DST: variants seen among roughly 807,000 people sequenced by gnomAD.
DST encodes the protein bullous pemphigoid antigen.
In DST, 253 loss-of-function variants were observed where a neutral mutation model predicts 875.2. That is an observed-to-expected ratio of 0.29 (90% CI 0.26 to 0.32). DST has a LOEUF of 0.32. Among genes scored for constraint, DST ranks in the 10% least tolerant of loss-of-function variants. DST has a pLI of 1.00. For missense variants in DST, 8,287 were observed against 9,111.6 expected, an observed-to-expected ratio of 0.91 and a Z score of 3.68; for synonymous variants, 3,124 against 3,197.1, an observed-to-expected ratio of 0.98 and a Z score of 0.77.
chr6:56,797,453 G>A (rs1359698228), intron 4 of DST, among the ~76,000 whole-genome samples: 1 of 152,202 alleles, frequency 6.6e-6, no homozygotes, highest in Non-Finnish European at 1.5e-5. Context: ...CATGTTGAAA[G>A]CCAAAACGGG....
At chr6:56,763,310 C>A (rs375782068) in intron 4 of DST, among the ~76,000 whole-genome samples, 2 of 152,140 alleles carry the variant, frequency 1.3e-5, no homozygotes, top group Admixed American at 6.5e-5. Flanking sequence ...TAAGTCAAAG[C>A]GCTGCTTCTT....
At chr6:56,494,798 T>C (rs1193892255) in intron 82 of DST, among the ~76,000 whole-genome samples, 1 of 152,094 alleles carries the variant, frequency 6.6e-6, no homozygotes, top group Non-Finnish European at 1.5e-5. Flanking sequence ...CATAAAATAT[T>C]GCTTAAACAA....
In DST at chr6:56,546,355, TATATATATATA is replaced by T. The variant is rs1426524753; in HGVS notation, c.16608+5818_16608+5828del. On this transcript the variant is annotated intron_variant, in intron 61 of 103. Transcript: ENST00000680361. ...GAAATATATACATATTTCATATATA[TATATATATATA>T]TATATATATATATATATATATATAA... Among the ~76,000 whole-genome samples, 50 of 51,572 alleles carry T rather than the reference TATATATATATA, an allele frequency of 9.7e-4. 2 individuals carry two copies. The highest frequency in any genetic ancestry group is 1.4e-3 in the Non-Finnish European group (35 of 25,332). 33.8% of individuals were successfully genotyped at this position (51,572 alleles called of 152,430 possible). A position where few individuals can be genotyped will look rare whatever the true frequency, so the allele number is the denominator to read the frequency against.
At chr6:56,739,251 T>A (rs1430464786) in intron 4 of DST, among the ~76,000 whole-genome samples, 1 of 151,860 alleles carries the variant, frequency 6.6e-6, no homozygotes, top group Admixed American at 6.6e-5. Context: ...TATACAGTAG[T>A]ATATACAACT....
At chr6:56,860,657 A>C (rs1205949821) in intron 3 of DST, among the ~76,000 whole-genome samples, 1 of 152,224 alleles carries the variant, frequency 6.6e-6, no homozygotes, top group African/African-American at 2.4e-5. Context: ...GGTAGGAAGC[A>C]TTAGTAAATT....
At chr6:56,562,524 T>C (rs947380731) in intron 55 of DST, among the ~76,000 whole-genome samples, 3 of 151,922 alleles carry the variant, frequency 2.0e-5, no homozygotes, top group Non-Finnish European at 4.4e-5. Context: ...GGAAGAATCA[T>C]ATTTATTAAA....
intron 23 of DST, among the ~76,000 whole-genome samples, 173 bp downstream of exon 23, chr6:56,636,384 A>G (rs2098826124): frequency 6.6e-6 from 1 of 150,450 alleles, no homozygotes; most frequent in South Asian, 2.1e-4. Flanking sequence ...ACACACATAT[A>G]TGTGTATACG....
rs565947496 is a variant in DST at position 56,608,077 on chromosome 6, T to C, written c.6551A>G (p.Asp2184Gly). ...HDYRQEEDVF[D>G]GEEPVTTQTS... is the part of the protein sequence containing the mutation. The stretch of plus-strand genomic sequence containing the variant: ...CTGAGTAGTGACAGGTTCTTCTCCA[T>C]CAAAAACATCCTCTTCTTGTCTGTA... The change falls in exon 40 of 104, where the codon GAT becomes GGT. Residue 2184 changes from aspartate (D) to glycine (G), a missense_variant. By Grantham distance (94) the Asp-to-Gly change is moderately conservative (BLOSUM62 -1). Coordinates refer to ENST00000680361, the MANE Select transcript of DST (RefSeq NM_001374736.1). The C allele has an allele frequency of 4.3e-6, 7 of 1,613,596 alleles. No homozygotes were observed. The African/African-American group carries it at 5.3e-5, about 12-fold the overall frequency.
intron 3 of DST, among the ~76,000 whole-genome samples, chr6:56,866,732 C>T (rs78687000): frequency 0.018 from 2,797 of 152,268 alleles, 47 homozygotes; most frequent in Non-Finnish European, 0.027. Flanking sequence ...TCTGTCTCCT[C>T]CACCAGAAAG....
intron 4 of DST, among the ~76,000 whole-genome samples, chr6:56,740,242 A>T (rs2099541980): frequency 6.6e-6 from 1 of 151,832 alleles, no homozygotes; most frequent in African/African-American, 2.4e-5. Flanking sequence ...AGATCCAAGA[A>T]CCCTCTCTTG....
chr6:56,781,101 AG>A (rs113561635), intron 4 of DST, among the ~76,000 whole-genome samples: 6,109 of 152,182 alleles, frequency 0.04, 421 homozygotes, highest in African/African-American at 0.14. Flanking sequence ...TTTTGGTACC[AG>A]TACCATGCTG....
chr6:56,459,957 T>C (rs927125031), intron 103 of DST, among the ~76,000 whole-genome samples, 174 bp downstream of exon 103: 4 of 152,128 alleles, frequency 2.6e-5, no homozygotes, highest in African/African-American at 9.7e-5. Context: ...TTTTAGACAC[T>C]TGCACCCATG....
Position 56,592,231 on chromosome 6 carries a change from G to C in DST, c.12854C>G (p.Pro4285Arg). 6.2e-7 allele frequency: 1 copy of C among 1,613,648 alleles called. No homozygotes were observed. Among genetic ancestry groups the C allele is most frequent in the Non-Finnish European group, 8.5e-7 (1 of 1,179,784 alleles). The change falls in exon 49 of 104, where the codon CCT (proline) becomes CGT (arginine). Residue 4285 changes from proline to arginine, a missense_variant. Physicochemically the swap from Pro to Arg is moderately radical, Grantham distance 103. This residue lies in a region of DST where 1,513 missense variants were observed against 1,677.8 expected (regional missense o/e 0.90). Transcript: ENST00000680361. ...EATASKHLSEPIAVDPKNLQR... is the reference protein window; with the variant it reads ...EATASKHLSERIAVDPKNLQR... ...AAGATTTTTGGGGTCCACCGCAATA[G>C]GTTCAGATAAGTGTTTGCTCGCTGT...
At chr6:56,925,656 G>A (rs1806668008) in intron 2 of DST, among the ~76,000 whole-genome samples, 1 of 152,162 alleles carries the variant, frequency 6.6e-6, no homozygotes, top group Non-Finnish European at 1.5e-5. Context: ...TTTTCCAGCA[G>A]CTCAAGATGG....
At position 56,606,164 on chromosome 6, in the gene DST, C is replaced by T. The variant is rs746908527; in HGVS notation, c.8464G>A (p.Glu2822Lys). ...TTTTGGCACCTGGGCTTTCCATTCTCATCTCTTATACCTCCTCCTTCTTCA... is the reference window on the plus strand; with the variant it reads ...TTTTGGCACCTGGGCTTTCCATTCTTATCTCTTATACCTCCTCCTTCTTCA... ...IDEEGGGIRD[E>K]NGKPRCQNVA... The change falls in exon 40 of 104, where the codon GAG (glutamate) becomes AAG (lysine). Residue 2822 changes from glutamate to lysine, a missense_variant. Physicochemically the swap from Glu to Lys is moderately conservative, Grantham distance 56. Around this residue, in one of 10 missense-constraint regions of DST, gnomAD observed 3,138 missense variants for 3,116.6 expected, o/e 1.01. Coordinates refer to ENST00000680361, the MANE Select transcript of DST (RefSeq NM_001374736.1). 18 of 1,603,334 alleles carry T rather than the reference C, an allele frequency of 1.1e-5. 1 individual carries two copies. The South Asian group carries it at 2.0e-4, about 18-fold the overall frequency.
chr6:56,905,462 T>C (rs944509318), intron 2 of DST, among the ~76,000 whole-genome samples: 37 of 152,316 alleles, frequency 2.4e-4, no homozygotes, highest in African/African-American at 7.7e-4. Context: ...TTTGATTTTA[T>C]TAATTCAACT....
intron 4 of DST, chr6:56,785,714 T>G (rs2099703876): frequency 6.5e-6 from 1 of 153,486 alleles, no homozygotes; most frequent in South Asian, 2.1e-4. Context: ...CACGGTGCGC[T>G]GCACCCACTC....
intron 3 of DST, among the ~76,000 whole-genome samples, chr6:56,861,535 C>T (rs545648864): frequency 6.6e-6 from 1 of 152,178 alleles, no homozygotes; most frequent in African/African-American, 2.4e-5. Context: ...GTTGCACATC[C>T]TCCTCTTAGA....
At chr6:56,602,114 C>A in intron 43 of DST, 3 of 285,556 alleles carry the variant, frequency 1.1e-5, no homozygotes, top group East Asian at 1.2e-4. Context: ...GCCAGAATTT[C>A]AGTTTTCTGA....
Sources: allele counts gnomAD v4.1 joint callset (sites outside exome capture counted in the v4.1 genomes callset), GRCh38; gene constraint gnomAD v4.1.1; regional missense constraint gnomAD v4.1.1; transcripts MANE v1.5; gene names NCBI Gene and HGNC (gene_info 2026-07-23, HGNC 2026-07-21).